The following HPSE2 variants were observed in gnomAD, a reference collection of about 807,000 sequenced individuals.
HPSE2 encodes inactive heparanase-2.
In HPSE2, 38 loss-of-function variants were observed where a neutral mutation model predicts 60.5. The observed-to-expected ratio is 0.63, with a 90% CI of 0.48 to 0.82. The LOEUF (loss-of-function observed/expected upper bound fraction) is 0.82, where lower values mean the gene tolerates loss of function less well. HPSE2 is among the 40% of genes least tolerant of loss of function. HPSE2 has a pLI of 0.00. For synonymous variants in HPSE2, 295 were observed against 293.2 expected, an observed-to-expected ratio of 1.01 and a Z score of -0.06; for missense variants, 713 against 740.4, an observed-to-expected ratio of 0.96 and a Z score of 0.43.
intron 9 of HPSE2, among the ~76,000 whole-genome samples, chr10:98,608,893 C>T (rs1177297764): frequency 6.6e-6 from 1 of 151,922 alleles, no homozygotes; most frequent in Non-Finnish European, 1.5e-5. Flanking sequence ...TGTGCCTCCC[C>T]CGCCCTACCA....
chr10:99,211,276 ATATCCATAC>A (rs1322426989), intron 2 of HPSE2, among the ~76,000 whole-genome samples: 1 of 152,172 alleles, frequency 6.6e-6, no homozygotes, highest in Non-Finnish European at 1.5e-5. Context: ...TATCATTGAA[ATATCCATAC>A]TATCCAAAGA....
At chr10:98,502,630 T>C (rs1942064614) in intron 9 of HPSE2, among the ~76,000 whole-genome samples, 1 of 152,202 alleles carries the variant, frequency 6.6e-6, no homozygotes, top group Admixed American at 6.5e-5. Flanking sequence ...CCTCTAGACA[T>C]TGGTTTAGGC....
At chr10:98,635,653 G>T (rs1254789283) in intron 7 of HPSE2, among the ~76,000 whole-genome samples, 4 of 152,044 alleles carry the variant, frequency 2.6e-5, no homozygotes, top group African/African-American at 7.2e-5. Flanking sequence ...GTGGTAGCGT[G>T]GGCTTGTAGT....
At chr10:99,277,240 T>C in the HPSE2 span, among the ~76,000 whole-genome samples, 1 of 152,240 alleles carries the variant, frequency 6.6e-6, no homozygotes, top group Non-Finnish European at 1.5e-5. Context: ...TGCACACAGG[T>C]GCACATGCAT....
At chr10:98,930,836 T>C (rs1206628008) in intron 3 of HPSE2, among the ~76,000 whole-genome samples, 1 of 144,392 alleles carries the variant, frequency 6.9e-6, no homozygotes, top group African/African-American at 2.8e-5. Context: ...GCTTGTAAAT[T>C]TGCATAAGTT....
intron 1 of HPSE2, among the ~76,000 whole-genome samples, chr10:99,235,017 T>C (rs115953653): frequency 2.2e-3 from 336 of 152,198 alleles, no homozygotes; most frequent in African/African-American, 7.5e-3. Flanking sequence ...GGGAGAGAAC[T>C]GACGAAACGA....
At chr10:99,255,294 A>G in the HPSE2 span, among the ~76,000 whole-genome samples, 1 of 152,198 alleles carries the variant, frequency 6.6e-6, no homozygotes, top group South Asian at 2.1e-4. Context: ...CAAACATTTA[A>G]GGGAGAAATA....
At chr10:98,921,608 T>A (rs1954284255) in intron 3 of HPSE2, among the ~76,000 whole-genome samples, 2 of 152,332 alleles carry the variant, frequency 1.3e-5, no homozygotes, top group South Asian at 2.1e-4. Context: ...TAAAAACACA[T>A]CTGTAAACCC....
At chr10:99,279,290 C>G in the HPSE2 span, among the ~76,000 whole-genome samples, 1 of 151,948 alleles carries the variant, frequency 6.6e-6, no homozygotes, top group Non-Finnish European at 1.5e-5. Context: ...AGTACTATAC[C>G]CAAATTATAT....
At chr10:98,791,043 C>T (rs1368309418) in intron 3 of HPSE2, among the ~76,000 whole-genome samples, 1 of 152,064 alleles carries the variant, frequency 6.6e-6, no homozygotes, top group East Asian at 1.9e-4. Flanking sequence ...ACTCATAGTT[C>T]CTTCTTTTTC....
At chr10:98,638,619 T>C (rs947214630) in intron 7 of HPSE2, among the ~76,000 whole-genome samples, 1 of 152,126 alleles carries the variant, frequency 6.6e-6, no homozygotes, top group African/African-American at 2.4e-5. Context: ...AAAGCAACAT[T>C]TCAACAATCA....
the HPSE2 span, among the ~76,000 whole-genome samples, chr10:99,295,984 G>GCTT: frequency 6.6e-6 from 1 of 152,192 alleles, no homozygotes; most frequent in African/African-American, 2.4e-5. Flanking sequence ...CCTAAATCTA[G>GCTT]CTTCTTTAGC....
At chr10:98,597,617 G>C (rs1298958480) in intron 9 of HPSE2, among the ~76,000 whole-genome samples, 17 of 151,522 alleles carry the variant, frequency 1.1e-4, no homozygotes, top group African/African-American at 4.1e-4. Context: ...GTTGCAGTGA[G>C]CCGAGATTGT....
chr10:98,886,463 T>C (rs1170020593), intron 3 of HPSE2, among the ~76,000 whole-genome samples: 1 of 152,116 alleles, frequency 6.6e-6, no homozygotes, highest in Non-Finnish European at 1.5e-5. Flanking sequence ...ACACAAAATG[T>C]CTAGCCAGGA....
At chr10:99,039,517 A>T (rs957185583) in intron 3 of HPSE2, among the ~76,000 whole-genome samples, 4 of 150,022 alleles carry the variant, frequency 2.7e-5, no homozygotes, top group African/African-American at 4.9e-5. Flanking sequence ...ATATAAATAT[A>T]TGTGTGTATA....
At chr10:98,965,130 C>T (rs190713394) in intron 3 of HPSE2, among the ~76,000 whole-genome samples, 14 of 152,224 alleles carry the variant, frequency 9.2e-5, no homozygotes, top group African/African-American at 3.1e-4. Flanking sequence ...GAATAATCTT[C>T]CTGAAATATT....
intron 9 of HPSE2, among the ~76,000 whole-genome samples, chr10:98,492,641 A>G (rs1941696441): frequency 6.6e-6 from 1 of 152,214 alleles, no homozygotes; most frequent in African/African-American, 2.4e-5. Flanking sequence ...AGATTTATTA[A>G]CTTGAAACCT....
At chr10:98,578,933 T>C (rs1944713806) in intron 9 of HPSE2, among the ~76,000 whole-genome samples, 1 of 152,240 alleles carries the variant, frequency 6.6e-6, no homozygotes, top group Non-Finnish European at 1.5e-5. Context: ...TTTAATTCCT[T>C]GTCTCAATCT....
chr10:99,298,323 C>T, the HPSE2 span, among the ~76,000 whole-genome samples: 1 of 152,192 alleles, frequency 6.6e-6, no homozygotes, highest in African/African-American at 2.4e-5. Flanking sequence ...TAACACCTTG[C>T]TATCAATAGA....
Sources: gnomAD v4.1 joint callset for allele counts (sites outside exome capture counted in the v4.1 genomes callset) on GRCh38, gnomAD v4.1.1 for gene constraint, MANE v1.5 for transcripts, NCBI Gene and HGNC (gene_info 2026-07-23, HGNC 2026-07-21) for gene names.